Variants in MYLK observed in about 807,000 individuals in gnomAD.
MYLK encodes myosin light chain kinase.
In MYLK, 106 loss-of-function variants were observed where a neutral mutation model predicts 203.4. That is an observed-to-expected ratio of 0.52 (90% CI 0.45 to 0.61). The LOEUF (loss-of-function observed/expected upper bound fraction) is 0.61. Among genes scored for constraint, MYLK ranks in the 20% least tolerant of loss-of-function variants. MYLK has a pLI of 0.00. For synonymous variants in MYLK, 867 were observed against 959.5 expected, an observed-to-expected ratio of 0.90 and a Z score of 1.78; for missense variants, 2,072 against 2,442.3, an observed-to-expected ratio of 0.85 and a Z score of 3.20.
intron 18 of MYLK, among the ~76,000 whole-genome samples, chr3:123,696,465 C>A (rs576932134): frequency 6.6e-6 from 1 of 152,064 alleles, no homozygotes; most frequent in East Asian, 1.9e-4. Flanking sequence ...GGGAGGCCAG[C>A]GGAGCCATTC....
At chr3:123,853,677 AC>A (rs1577127331) in intron 2 of MYLK, among the ~76,000 whole-genome samples, 3 of 152,096 alleles carry the variant, frequency 2.0e-5, no homozygotes, top group Non-Finnish European at 2.9e-5. Context: ...ACAGCTGAGG[AC>A]CCTCTTTCAT....
chr3:123,783,614 G>C (rs569741188), intron 4 of MYLK, among the ~76,000 whole-genome samples: 7 of 152,256 alleles, frequency 4.6e-5, no homozygotes, highest in African/African-American at 1.7e-4. Context: ...AAAATATACA[G>C]AAGTAATTCC....
intron 2 of MYLK, among the ~76,000 whole-genome samples, chr3:123,853,242 G>T (rs1257319727): frequency 1.3e-5 from 2 of 152,074 alleles, no homozygotes; most frequent in Admixed American, 1.3e-4. Flanking sequence ...CATCAGCTTG[G>T]ACTGGAAGGG....
At chr3:123,844,494 TC>T (rs893605446) in intron 2 of MYLK, among the ~76,000 whole-genome samples, 1 of 152,162 alleles carries the variant, frequency 6.6e-6, no homozygotes, top group Non-Finnish European at 1.5e-5. Flanking sequence ...AGTCATGAGT[TC>T]TTAGAATCCT....
Position 123,657,290 on chromosome 3 carries a change from T to A in MYLK, c.4124A>T (p.Asn1375Ile). ...SYSIEIWDSANKTWKELATCR... is the reference protein window; with the variant it reads ...SYSIEIWDSAIKTWKELATCR... ...TGTGGCTAGTTCCTTCCACGTCTTG[T>A]TGGCTGAGTCCCAGATCTCGATGCT... is the stretch of plus-strand genomic sequence containing the variant. Residue 1375 changes from asparagine (N) to isoleucine (I), a missense_variant, in exon 24 of 34, where the codon AAC (asparagine) becomes ATC (isoleucine). Physicochemically the swap from Asn to Ile is moderately radical, Grantham distance 149. Coordinates refer to ENST00000360304, the MANE Select transcript of MYLK (RefSeq NM_053025.4). 1 of 1,614,142 alleles carries A rather than the reference T, an allele frequency of 6.2e-7. No individual in the cohort carries two copies. The highest frequency in any genetic ancestry group is 8.5e-7 in the Non-Finnish European group (1 of 1,180,044).
chr3:123,733,987 C>G lies in MYLK; in HGVS notation c.1009G>C (p.Val337Leu), dbSNP rs760242263. The part of the protein sequence containing the change: ...DSPRTAPQTP[V>L]LQKTSSSITL... ...ATGGAGCTGGAAGTCTTCTGAAGGA[C>G]CGGGGTCTGCGGGGCCGTTCTGGGC... is the stretch of plus-strand genomic sequence containing the variant. The change falls in exon 10 of 34, where the codon GTC (valine) becomes CTC (leucine). Residue 337 changes from valine to leucine, a missense_variant. Physicochemically the swap from Val to Leu is conservative, Grantham distance 32. This residue lies in a region of MYLK where 683 missense variants were observed against 643.8 expected (regional missense o/e 1.06). Transcript: ENST00000360304. 1.3e-5 allele frequency: 21 copies of G among 1,614,082 alleles called. No homozygotes were observed. The highest frequency in any genetic ancestry group is 1.6e-5 in the Non-Finnish European group (19 of 1,180,054).
At chr3:123,692,919 G>T in intron 18 of MYLK, 68 bp from the exon 19 acceptor site, 1 of 1,371,584 alleles carries the variant, frequency 7.3e-7, no homozygotes, top group Non-Finnish European at 1.0e-6. Flanking sequence ...CTGGAGCGCA[G>T]CAGGTGAGTG....
In MYLK at chr3:123,876,905, G is replaced by T. The variant is rs1250421536; in HGVS notation, c.-185-288C>A. Among the ~76,000 whole-genome samples the T allele has an allele frequency of 3.9e-5, 6 of 152,160 alleles. No individual in the cohort carries two copies. In the East Asian group the frequency reaches 5.8e-4, roughly 15 times the overall value. On this transcript the variant is annotated intron_variant, in intron 1 of 33. Transcript: ENST00000360304. ...TTACAGATATAAAATTTTAGCATGAGAAAAATTAAACAAATGATAAAAACA... is the reference window on the plus strand; with the variant it reads ...TTACAGATATAAAATTTTAGCATGATAAAAATTAAACAAATGATAAAAACA...
chr3:123,738,578 G>A (rs2062756725), intron 7 of MYLK, among the ~76,000 whole-genome samples: 1 of 152,114 alleles, frequency 6.6e-6, no homozygotes, highest in Non-Finnish European at 1.5e-5. Flanking sequence ...GTTGTGGGAG[G>A]GACCCAGTGG....
At chr3:123,636,608 GCCGCCCTGAAAGGGGCAGGCTGGCC>G (rs1481484331) in intron 29 of MYLK, among the ~76,000 whole-genome samples, 1 of 152,228 alleles carries the variant, frequency 6.6e-6, no homozygotes, top group East Asian at 1.9e-4. Context: ...CAGGCCTGGG[GCCGCCCTGAAAGGGGCAGGCTGGCC>G]CCGCCCCCTA....
At chr3:123,740,064 A>G in intron 5 of MYLK, 63 bp from the exon 6 acceptor site, 1 of 1,542,100 alleles carries the variant, frequency 6.5e-7, no homozygotes, top group Non-Finnish European at 9.0e-7. Flanking sequence ...GAAAGTAAAA[A>G]GATTCAACAG....
Position 123,641,430 on chromosome 3 carries a change from T to C in MYLK, c.4620-926A>G, listed in dbSNP as rs2058827628. 2.0e-5 allele frequency among the ~76,000 whole-genome samples: 3 copies of C among 152,074 alleles called. No individual in the cohort carries two copies. In the South Asian group the frequency reaches 6.2e-4, roughly 32 times the overall value. On this transcript the variant is annotated intron_variant, in intron 27 of 33. Transcript: ENST00000360304. ...TATCAGTAAGCTTGCTTTTCTTTTT[T>C]TCTTCTTCAATTTTTTTTTTTTGGT...
At chr3:123,763,544 G>GTA (rs2063603886) in intron 4 of MYLK, among the ~76,000 whole-genome samples, 1 of 152,218 alleles carries the variant, frequency 6.6e-6, no homozygotes, top group African/African-American at 2.4e-5. Flanking sequence ...TTTGTCTGGA[G>GTA]ATGGAATTTT....
At chr3:123,751,566 T>C (rs935119233) in intron 5 of MYLK, among the ~76,000 whole-genome samples, 4 of 152,212 alleles carry the variant, frequency 2.6e-5, no homozygotes, top group Non-Finnish European at 5.9e-5. Context: ...ATGATGTTAA[T>C]GAGGATAAAA....
At chr3:123,668,451 A>G (rs1302921343) in intron 20 of MYLK, among the ~76,000 whole-genome samples, 1 of 151,184 alleles carries the variant, frequency 6.6e-6, no homozygotes, top group African/African-American at 2.4e-5. Context: ...ACGACATTCT[A>G]GAAAAGGCAG....
At chr3:123,644,032 A>G (rs1428318580) in intron 27 of MYLK, among the ~76,000 whole-genome samples, 2 of 152,218 alleles carry the variant, frequency 1.3e-5, no homozygotes, top group African/African-American at 2.4e-5. Context: ...CAACTACTAT[A>G]TGGTGGGGGC....
chr3:123,684,261 C>T (rs781132251), intron 19 of MYLK, among the ~76,000 whole-genome samples: 5 of 152,134 alleles, frequency 3.3e-5, no homozygotes, highest in Non-Finnish European at 5.9e-5. Context: ...CGATATGATC[C>T]AGAAGCTCCA....
At chr3:123,653,191 A>G (rs2059274912) in intron 24 of MYLK, among the ~76,000 whole-genome samples, 1 of 152,096 alleles carries the variant, frequency 6.6e-6, no homozygotes, top group African/African-American at 2.4e-5. Flanking sequence ...CATCTGCTCC[A>G]CAGAAATGAC....
chr3:123,675,260 T>C (rs1292763188), intron 20 of MYLK, among the ~76,000 whole-genome samples: 3 of 152,094 alleles, frequency 2.0e-5, no homozygotes, highest in Non-Finnish European at 2.9e-5. Flanking sequence ...AAAACATGAA[T>C]CAAAGCATTG....
Sources: allele counts gnomAD v4.1 joint callset (sites outside exome capture counted in the v4.1 genomes callset), GRCh38; gene constraint gnomAD v4.1.1; regional missense constraint gnomAD v4.1.1; transcripts MANE v1.5; gene names NCBI Gene and HGNC (gene_info 2026-07-23, HGNC 2026-07-21).